DNAH12: variants seen among roughly 807,000 people sequenced by gnomAD.
DNAH12 encodes axonemal beta dynein heavy chain 12.
In DNAH12, 285 loss-of-function variants were observed where a neutral mutation model predicts 371.5. The observed-to-expected ratio is 0.77, with a 90% CI of 0.70 to 0.85. DNAH12 has a LOEUF of 0.85. Among genes scored for constraint, DNAH12 ranks in the 40% least tolerant of loss-of-function variants. The pLI is 0.00. For synonymous variants in DNAH12, 1,200 were observed against 1,213.0 expected (o/e 0.99, Z 0.22); for missense variants, 3,611 against 3,689.4 (o/e 0.98, Z 0.55).
intron 38 of DNAH12, among the ~76,000 whole-genome samples, chr3:57,415,113 C>T (rs1294323510): frequency 6.6e-6 from 1 of 151,970 alleles, no homozygotes; most frequent in African/African-American, 2.4e-5. Flanking sequence ...CCACCCCTGC[C>T]CCACCCTATG....
chr3:57,496,140 G>C (rs1487152971), intron 11 of DNAH12, among the ~76,000 whole-genome samples: 1 of 151,782 alleles, frequency 6.6e-6, no homozygotes, highest in Non-Finnish European at 1.5e-5. Flanking sequence ...ATGACCACTT[G>C]AGTGAACTTG....
chr3:57,478,510 A>T (rs1215371457), intron 13 of DNAH12, among the ~76,000 whole-genome samples: 1 of 152,202 alleles, frequency 6.6e-6, no homozygotes, highest in Non-Finnish European at 1.5e-5. Context: ...GCAGGATATT[A>T]TCCAGGAGAA....
Position 57,349,377 on chromosome 3 carries a change from A to C in DNAH12, c.9674+2708T>G, listed in dbSNP as rs192746754. ...ACTTTTACACTGTTGGTGGGAATGT[A>C]AACTAGTACAACCACTACAGAAAAC... On this transcript the variant is annotated intron_variant, in intron 60 of 73. Transcript: ENST00000495027. Among the ~76,000 whole-genome samples, 15 of 152,340 alleles carry C rather than the reference A, an allele frequency of 9.8e-5. No homozygotes were observed. The East Asian group carries it at 2.7e-3, about 27-fold the overall frequency.
chr3:57,409,970 TAC>T (rs1469719040), intron 39 of DNAH12, among the ~76,000 whole-genome samples: 1 of 152,092 alleles, frequency 6.6e-6, no homozygotes, highest in Non-Finnish European at 1.5e-5. Context: ...ACAGAAAACA[TAC>T]AGTTAAAAAC....
At chr3:57,461,434 A>G (rs2066050945) in intron 19 of DNAH12, 55 bp downstream of exon 19, 2 of 1,510,218 alleles carry the variant, frequency 1.3e-6, no homozygotes, top group Non-Finnish European at 1.8e-6. Context: ...GCGTATATGT[A>G]ATAGGATTGC....
intron 36 of DNAH12, among the ~76,000 whole-genome samples, chr3:57,420,997 T>A (rs1271786904): frequency 6.6e-6 from 1 of 151,990 alleles, no homozygotes; most frequent in African/African-American, 2.4e-5. Flanking sequence ...CTTTATTGAC[T>A]TCCCGCTATG....
At chr3:57,510,690 T>C in intron 5 of DNAH12, 100 bp downstream of exon 5, 3 of 986,404 alleles carry the variant, frequency 3.0e-6, no homozygotes, top group Middle Eastern at 4.2e-4. Context: ...TTTAAATACA[T>C]AGTGTTCATT....
chr3:57,453,467 A>T (rs1228375987), intron 23 of DNAH12, 64 bp from the exon 24 acceptor site: 100 of 1,326,112 alleles, frequency 7.5e-5, no homozygotes, highest in Non-Finnish European at 8.5e-5. Flanking sequence ...TGTATTTTAT[A>T]TATTTAGTCT....
chr3:57,356,488 TA>T (rs1348983261), intron 59 of DNAH12, among the ~76,000 whole-genome samples: 10 of 141,568 alleles, frequency 7.1e-5, no homozygotes, highest in South Asian at 4.5e-4. Flanking sequence ...AATAAATAAA[TA>T]AAATAAAGAA....
intron 37 of DNAH12, among the ~76,000 whole-genome samples, chr3:57,416,177 G>C (rs935572695): frequency 1.3e-5 from 2 of 151,848 alleles, no homozygotes; most frequent in African/African-American, 4.8e-5. Context: ...TTGAACTTCT[G>C]GGCTCAAGTG....
intron 62 of DNAH12, 58 bp from the exon 63 acceptor site, chr3:57,323,677 G>A: frequency 7.1e-7 from 1 of 1,410,100 alleles, no homozygotes; most frequent in Non-Finnish European, 9.3e-7. Context: ...TAATGGATAT[G>A]AATATTATTG....
chr3:57,340,118 T>C (rs2062358230), intron 60 of DNAH12, among the ~76,000 whole-genome samples: 1 of 150,790 alleles, frequency 6.6e-6, no homozygotes, highest in Non-Finnish European at 1.5e-5. Context: ...AAACACAGCA[T>C]ACCAAAATGT....
intron 2 of DNAH12, among the ~76,000 whole-genome samples, chr3:57,535,908 C>T (rs941644066): frequency 1.3e-5 from 2 of 150,314 alleles, no homozygotes; most frequent in Non-Finnish European, 2.9e-5. Context: ...TCGATCTCAG[C>T]TCACTGTAAC....
At chr3:57,334,706 A>G (rs974947074) in intron 61 of DNAH12, 76 bp downstream of exon 61, 52 of 1,505,936 alleles carry the variant, frequency 3.5e-5, no homozygotes, top group Admixed American at 1.9e-4. Flanking sequence ...ATTTAAAACC[A>G]TTTAAAAATC....
At chr3:57,478,122 C>T (rs1043027434) in intron 13 of DNAH12, among the ~76,000 whole-genome samples, 1 of 152,184 alleles carries the variant, frequency 6.6e-6, no homozygotes, top group African/African-American at 2.4e-5. Flanking sequence ...GATCAAACTA[C>T]TTTGAGCTAA....
At chr3:57,426,752 G>A (rs1446548025) in intron 34 of DNAH12, among the ~76,000 whole-genome samples, 3 of 151,084 alleles carry the variant, frequency 2.0e-5, no homozygotes, top group African/African-American at 7.3e-5. Context: ...GGGAGGCTGA[G>A]GCACGAGAAT....
Position 57,504,085 on chromosome 3 carries a change from A to C in DNAH12, c.1017T>G (p.Phe339Leu). 1 of 1,614,078 alleles carries C rather than the reference A, an allele frequency of 6.2e-7. No homozygotes were observed. The highest frequency in any genetic ancestry group is 8.5e-7 in the Non-Finnish European group (1 of 1,179,978). ...CTTCCAAATCTTGAAAGGTAGGATAAAATTCCATTTTGTCGTCATCAAATG... is the reference window on the plus strand; with the variant it reads ...CTTCCAAATCTTGAAAGGTAGGATACAATTCCATTTTGTCGTCATCAAATG... ...ELTFDDDKME[F>L]YPTFQDLEDN... The change falls in exon 9 of 74, where the codon TTT (phenylalanine) becomes TTG (leucine). Residue 339 changes from phenylalanine (F) to leucine (L), a missense_variant. By Grantham distance (22) the Phe-to-Leu change is conservative (BLOSUM62 0). Transcript: ENST00000495027.
intron 55 of DNAH12, among the ~76,000 whole-genome samples, chr3:57,374,351 T>C (rs1461048630): frequency 1.3e-5 from 2 of 152,176 alleles, no homozygotes; most frequent in Non-Finnish European, 2.9e-5. Context: ...CACAGCATAT[T>C]TGAGACACAG....
In DNAH12 at chr3:57,458,230, A is replaced by G. The variant is rs1197318183; in HGVS notation, c.2932-10T>C. On this transcript the variant is annotated splice_polypyrimidine_tract_variant and intron_variant, in intron 20 of 73. Coordinates refer to ENST00000495027, the MANE Select transcript of DNAH12 (RefSeq NM_001366028.2). ...AAGTGGCAGCAAGAACCTAAACGAGACACATGCATTCAAGTCAGCACTTTT... is the reference window on the plus strand; with the variant it reads ...AAGTGGCAGCAAGAACCTAAACGAGGCACATGCATTCAAGTCAGCACTTTT... 1 of 1,538,850 alleles carries G rather than the reference A, an allele frequency of 6.5e-7. No homozygotes were observed. The highest frequency in any genetic ancestry group is 2.1e-5 in the Admixed American group (1 of 46,846).
Sources: allele counts gnomAD v4.1 joint callset (sites outside exome capture counted in the v4.1 genomes callset), GRCh38; gene constraint gnomAD v4.1.1; transcripts MANE v1.5; gene names NCBI Gene and HGNC (gene_info 2026-07-23, HGNC 2026-07-21).